The following CDC7 variants were observed in gnomAD, a reference collection of about 807,000 sequenced individuals.
The protein encoded by CDC7 is cell division cycle 7-related protein kinase.
CDC7 carries 34 observed loss-of-function variants against 53.5 expected under a neutral mutation model. That is an observed-to-expected ratio of 0.64 (90% CI 0.48 to 0.85). The LOEUF (loss-of-function observed/expected upper bound fraction) is 0.85, where lower values mean the gene tolerates loss of function less well. CDC7 is among the 40% of genes least tolerant of loss of function. The probability of loss-of-function intolerance (pLI) is 0.00; values close to 1 mark genes in which losing one functional copy is unlikely to be tolerated. For missense variants in CDC7, 594 were observed against 679.7 expected, an observed-to-expected ratio of 0.87 and a Z score of 1.40; for synonymous variants, 211 against 222.8, an observed-to-expected ratio of 0.95 and a Z score of 0.47.
Position 91,515,818 on chromosome 1 carries a change from A to G in CDC7, c.1122A>G (p.Ala374=). Residue 374 remains alanine, a synonymous_variant, in exon 10 of 12, where the codon GCA becomes GCG. Coordinates refer to ENST00000234626, the MANE Select transcript of CDC7 (RefSeq NM_003503.4). ...LSRRQQVAPR[A]GTPGFRAPEV... ...GGCGTCAGCAGGTTGCCCCTAGGGC[A>G]GGTACACCAGGATTCAGAGCACCAG... 1 of 1,613,822 alleles carries G rather than the reference A, an allele frequency of 6.2e-7. No homozygotes were observed. Among genetic ancestry groups the G allele is most frequent in the Non-Finnish European group, 8.5e-7 (1 of 1,179,828 alleles).
Position 91,520,218 on chromosome 1 carries a change from T to C in CDC7, c.1269T>C (p.Ala423=), listed in dbSNP as rs751346276. ...ATAAAGCAAGTGATGATTTAACTGC[T>C]TTGGCCCAAATTATGACAATTAGGG... ...PFYKASDDLT[A]LAQIMTIRGS... Residue 423 remains alanine (A), a synonymous_variant, in exon 11 of 12, where the codon GCT becomes GCC. Coordinates refer to ENST00000234626, the MANE Select transcript of CDC7 (RefSeq NM_003503.4). The C allele has an allele frequency of 5.6e-6, 9 of 1,609,408 alleles. No homozygotes were observed. Among genetic ancestry groups the C allele is most frequent in the Non-Finnish European group, 6.8e-6 (8 of 1,178,002 alleles).
chr1:91,519,266 A>C (rs1030078331), intron 10 of CDC7, among the ~76,000 whole-genome samples: 1 of 133,590 alleles, frequency 7.5e-6, no homozygotes, highest in African/African-American at 3.6e-5. Context: ...CAAAAAAAAA[A>C]AAAAAAAAAA....
chr1:91,507,706 G>T (rs1180548003), intron 2 of CDC7, 148 bp from the exon 3 acceptor site: 7 of 561,852 alleles, frequency 1.2e-5, no homozygotes, highest in Middle Eastern at 5.0e-4. Context: ...CAACTTGATG[G>T]GTTTTAATCT....
chr1:91,509,872 T>G (rs1324557994), intron 4 of CDC7, among the ~76,000 whole-genome samples: 2 of 152,180 alleles, frequency 1.3e-5, no homozygotes, highest in African/African-American at 4.8e-5. Context: ...CTGCCCAGAC[T>G]GTTTCCCCAT....
At chr1:91,512,654 CCTGA>C (rs1667345469) in intron 6 of CDC7, among the ~76,000 whole-genome samples, 3 of 151,796 alleles carry the variant, frequency 2.0e-5, no homozygotes, top group Admixed American at 1.3e-4. Context: ...CTTTTATATG[CCTGA>C]CTTTTTAATT....
intron 4 of CDC7, 148 bp from the exon 5 acceptor site, chr1:91,511,449 C>T (rs1205658960): frequency 2.0e-6 from 1 of 511,778 alleles, no homozygotes; most frequent in Non-Finnish European, 3.5e-6. Flanking sequence ...GAACACAAGT[C>T]ACTTGTGTTT....
At chr1:91,504,057 T>C (rs943825254) in intron 2 of CDC7, among the ~76,000 whole-genome samples, 1 of 151,952 alleles carries the variant, frequency 6.6e-6, no homozygotes, top group African/African-American at 2.4e-5. Flanking sequence ...GCACAAACTA[T>C]CTGGCATAAT....
intron 10 of CDC7, 81 bp from the exon 11 acceptor site, chr1:91,520,049 T>C (rs1220943779): frequency 8.8e-7 from 1 of 1,135,326 alleles, no homozygotes; most frequent in Admixed American, 3.0e-5. Context: ...TTCTAATGCA[T>C]AATAAATGTT....
chr1:91,506,113 T>C (rs1318428749), intron 2 of CDC7, among the ~76,000 whole-genome samples: 1 of 152,162 alleles, frequency 6.6e-6, no homozygotes, highest in Non-Finnish European at 1.5e-5. Flanking sequence ...GCTCAAGGTA[T>C]CCTTCTGCCT....
chr1:91,507,871 G>A lies in CDC7; in HGVS notation c.133G>A (p.Glu45Lys). The change falls in exon 3 of 12, where the codon GAG becomes AAG. Residue 45 changes from glutamate (E) to lysine (K), a missense_variant. Coordinates refer to ENST00000234626, the MANE Select transcript of CDC7 (RefSeq NM_003503.4). ...FKLAGVKKDIEKLYEAVPQLS... is the reference protein window; with the variant it reads ...FKLAGVKKDIKKLYEAVPQLS... Reference sequence around the variant, plus strand: ...CTTGAAAGGTGTTAAAAAAGATATTGAGAAGCTTTATGAAGCTGTACCACA... The same window carrying A: ...CTTGAAAGGTGTTAAAAAAGATATTAAGAAGCTTTATGAAGCTGTACCACA... 2 of 1,415,764 alleles carry A rather than the reference G, an allele frequency of 1.4e-6. No homozygotes were observed. The highest frequency in any genetic ancestry group is 1.3e-5 in the South Asian group (1 of 78,640). 87.7% of individuals were successfully genotyped at this position (1,415,764 alleles called of 1,614,324 possible). A position where few individuals can be genotyped will look rare whatever the true frequency, so the allele number is the denominator to read the frequency against.
intron 8 of CDC7, 62 bp from the exon 9 acceptor site, chr1:91,514,757 A>G: frequency 7.7e-7 from 1 of 1,304,444 alleles, no homozygotes; most frequent in Non-Finnish European, 1.0e-6. Flanking sequence ...TTGCCATACT[A>G]GCATTTTAGG....
chr1:91,515,155 T>C lies in CDC7; in HGVS notation c.1097+158T>C, dbSNP rs1667491855. 2.6e-5 allele frequency among the ~76,000 whole-genome samples: 4 copies of C among 152,324 alleles called. No homozygotes were observed. The South Asian group carries it at 8.3e-4, about 32-fold the overall frequency. On this transcript the variant is annotated intron_variant, in intron 9 of 11. Coordinates refer to ENST00000234626, the MANE Select transcript of CDC7 (RefSeq NM_003503.4). ...CAGTAGTATGTTGAAGAGCAAATGA[T>C]AACAGTTTTCATATATTATTTATTT...
chr1:91,524,222 T>G lies in CDC7; in HGVS notation c.1512T>G (p.Pro504=). 6.2e-7 allele frequency: 1 copy of G among 1,613,896 alleles called. No homozygotes were observed. Among genetic ancestry groups the G allele is most frequent in the Non-Finnish European group, 8.5e-7 (1 of 1,179,886 alleles). The change falls in exon 12 of 12, where the codon CCT becomes CCG. Residue 504 remains proline (P), a synonymous_variant. Coordinates refer to ENST00000234626, the MANE Select transcript of CDC7 (RefSeq NM_003503.4). The part of the protein sequence containing the change: ...DHKASCLVQT[P]PGQYSGNSFK... ...AAGCTTCTTGCCTCGTTCAAACACCTCCAGGACAATACTCAGGGAATTCAT... is the reference window on the plus strand; with the variant it reads ...AAGCTTCTTGCCTCGTTCAAACACCGCCAGGACAATACTCAGGGAATTCAT...
At chr1:91,501,867 G>T (rs1249462452) in intron 2 of CDC7, 36 bp downstream of exon 2, 5 of 1,419,398 alleles carry the variant, frequency 3.5e-6, no homozygotes, top group Admixed American at 1.7e-5. Flanking sequence ...CAGTTATAAA[G>T]ATTTTTCAGG....
Position 91,501,690 on chromosome 1 carries a change from G to T in CDC7, c.-27G>T. On this transcript the variant is annotated 5_prime_UTR_variant, in exon 2 of 12. Coordinates refer to ENST00000234626, the MANE Select transcript of CDC7 (RefSeq NM_003503.4). ...CCCCTGTGGATGTAACCCCTTAGCT[G>T]GCATTTTGCATCTCAATTGGCTTGT... is the stretch of plus-strand genomic sequence containing the variant. 1 of 1,536,816 alleles carries T rather than the reference G, an allele frequency of 6.5e-7. No homozygotes were observed. Among genetic ancestry groups the T allele is most frequent in the African/African-American group, 1.4e-5 (1 of 73,264 alleles).
intron 9 of CDC7, among the ~76,000 whole-genome samples, chr1:91,515,463 A>G (rs891781445): frequency 1.4e-4 from 21 of 152,150 alleles, no homozygotes; most frequent in Admixed American, 1.2e-3. Flanking sequence ...TCTGTGATCA[A>G]TTACTCCAAA....
At position 91,520,237 on chromosome 1, in the gene CDC7, A is replaced by G. The variant is rs372389855; in HGVS notation, c.1288A>G (p.Ile430Val). The G allele has an allele frequency of 5.0e-6, 8 of 1,607,442 alleles. No homozygotes were observed. Among genetic ancestry groups the G allele is most frequent in the Non-Finnish European group, 5.1e-6 (6 of 1,177,290 alleles). The part of the protein sequence containing the change: ...DLTALAQIMT[I>V]RGSRETIQAA... ...AACTGCTTTGGCCCAAATTATGACA[A>G]TTAGGGGATCCAGAGAAACTATCCA... Residue 430 changes from isoleucine (I) to valine (V), a missense_variant, in exon 11 of 12, where the codon ATT (isoleucine) becomes GTT (valine). By Grantham distance (29) the Ile-to-Val change is conservative. Coordinates refer to ENST00000234626, the MANE Select transcript of CDC7 (RefSeq NM_003503.4).
rs13447505 is a variant in CDC7 at position 91,511,955 on chromosome 1, T to C, written c.572+32T>C. 1.6e-3 allele frequency: 2,456 copies of C among 1,492,102 alleles called. 28 individuals carry two copies. The African/African-American group carries it at 0.031, about 19-fold the overall frequency. 92.4% of individuals were successfully genotyped at this position (1,492,102 alleles called of 1,614,324 possible). On this transcript the variant is annotated intron_variant, in intron 6 of 11. Coordinates refer to ENST00000234626, the MANE Select transcript of CDC7 (RefSeq NM_003503.4). Reference sequence around the variant, plus strand: ...ATGAAGAGTTACTAGAAAATATTTATCCTATTTCTTTTAAAAAACAATTTT... The same window carrying C: ...ATGAAGAGTTACTAGAAAATATTTACCCTATTTCTTTTAAAAAACAATTTT...
intron 2 of CDC7, 25 bp from the exon 3 acceptor site, chr1:91,507,829 C>T (rs528639198): frequency 1.6e-6 from 2 of 1,234,446 alleles, no homozygotes; most frequent in Admixed American, 2.2e-5. Flanking sequence ...TTGATTAAAA[C>T]TCTAAATTTT....
Sources: gnomAD v4.1 joint callset for allele counts (sites outside exome capture counted in the v4.1 genomes callset) on GRCh38, gnomAD v4.1.1 for gene constraint, MANE v1.5 for transcripts, NCBI Gene and HGNC (gene_info 2026-07-23, HGNC 2026-07-21) for gene names.